PI4KA: variants seen among roughly 807,000 people sequenced by gnomAD.
PI4KA encodes phosphatidylinositol 4-kinase alpha, also known as PI4-kinase alpha.
A neutral mutation model predicts 271.4 loss-of-function variants in PI4KA; 122 were observed. The observed-to-expected ratio is 0.45, with a 90% CI of 0.39 to 0.52. PI4KA has a LOEUF of 0.52. Among genes scored for constraint, PI4KA ranks in the 20% least tolerant of loss-of-function variants. The probability of loss-of-function intolerance (pLI) is 0.00; values close to 1 mark genes in which losing one functional copy is unlikely to be tolerated. For synonymous variants in PI4KA, 1,041 were observed against 1,078.8 expected, an observed-to-expected ratio of 0.96 and a Z score of 0.69; for missense variants, 1,969 against 2,769.1, an observed-to-expected ratio of 0.71 and a Z score of 6.48.
At chr22:20,838,040 G>C (rs955200905) in intron 2 of PI4KA, among the ~76,000 whole-genome samples, 1 of 151,254 alleles carries the variant, frequency 6.6e-6, no homozygotes, top group African/African-American at 2.4e-5. Flanking sequence ...AGAATCACTT[G>C]AACCCTGGAG....
intron 34 of PI4KA, 60 bp downstream of exon 34, chr22:20,733,983 C>T (rs1317525554): frequency 2.0e-5 from 30 of 1,523,108 alleles, no homozygotes; most frequent in Middle Eastern, 2.4e-4. Context: ...GATACACAGA[C>T]GCCCCATGAC....
chr22:20,747,788 G>A (rs1930272589), intron 28 of PI4KA, 86 bp from the exon 29 acceptor site: 21 of 1,327,636 alleles, frequency 1.6e-5, no homozygotes, highest in Non-Finnish European at 2.0e-5. Flanking sequence ...AGGCTGGAGT[G>A]TGGTGGCACG....
rs376530803 is a variant in PI4KA, at chr22:20,787,214, G to A, written c.2328+5979C>T. 34 of 732,942 alleles carry A rather than the reference G, an allele frequency of 4.6e-5. No individual in the cohort carries two copies. The African/African-American group carries it at 4.9e-4, about 11-fold the overall frequency. 45.4% of individuals were successfully genotyped at this position (732,942 alleles called of 1,614,324 possible). A position where few individuals can be genotyped will look rare whatever the true frequency, so the allele number is the denominator to read the frequency against. On this transcript the variant is annotated intron_variant, in intron 19 of 54. Transcript: ENST00000255882. ...GCCCATATGAGAGGAGCTTAGAAAC[G>A]ACCAAGAAGAGAGGCTTGTTGGAAT... is the stretch of plus-strand genomic sequence containing the variant.
Position 20,727,836 on chromosome 22 carries a change from C to T in PI4KA, c.4711G>A (p.Glu1571Lys), listed in dbSNP as rs1250527166. The part of the protein sequence containing the change: ...RFKNTEAIGN[E>K]VTRLVRLDPG... ...TCCAACCGAACGAGACGGGTCACTT[C>T]GTTCCCAATGGCTTCTGTGTTCTTA... The change falls in exon 40 of 55, where the codon GAA becomes AAA. Residue 1571 changes from glutamate (E) to lysine (K), a missense_variant. Glu to Lys is a moderately conservative substitution (Grantham distance 56). Around this residue, in one of 13 missense-constraint regions of PI4KA, gnomAD observed 388 missense variants for 521.5 expected, o/e 0.74. Transcript: ENST00000255882. The T allele has an allele frequency of 1.9e-6, 3 of 1,613,970 alleles. No individual in the cohort carries two copies. The highest frequency in any genetic ancestry group is 1.7e-6 in the Non-Finnish European group (2 of 1,179,984).
chr22:20,789,564 AG>A (rs1356149993), intron 19 of PI4KA, among the ~76,000 whole-genome samples: 1 of 152,236 alleles, frequency 6.6e-6, no homozygotes, highest in Non-Finnish European at 1.5e-5. Context: ...TCCTGACCTC[AG>A]GTGATCTGCC....
chr22:20,779,814 G>C, intron 19 of PI4KA: 2 of 1,614,166 alleles, frequency 1.2e-6, no homozygotes, highest in African/African-American at 1.3e-5. Flanking sequence ...GATTTCCTTA[G>C]GTCTGAAGGG....
rs1306686152 is a variant in PI4KA, at chr22:20,770,642, CAG to C, written c.2329-4951_2329-4950del. Among the ~76,000 whole-genome samples the C allele has an allele frequency of 9.4e-5, 14 of 148,244 alleles. No homozygotes were observed. The Admixed American group carries it at 9.5e-4, about 10-fold the overall frequency. ...CACACACACACACACAAGCTGGACA[CAG>C]AGACACACACAGTGACAGGGCAAAG... is the stretch of plus-strand genomic sequence containing the variant. On this transcript the variant is annotated intron_variant, in intron 19 of 54. Coordinates refer to ENST00000255882, the MANE Select transcript of PI4KA (RefSeq NM_058004.4).
chr22:20,744,614 G>A lies in PI4KA; in HGVS notation c.3456+14C>T. 6.2e-7 allele frequency: 1 copy of A among 1,605,568 alleles called. No individual in the cohort carries two copies. The stretch of plus-strand genomic sequence containing the variant: ...CACGTTAAAGGCCCTAGGGCGCAAG[G>A]ACAAGAGAAGCACCTCGCCCGCGTA... On this transcript the variant is annotated intron_variant, in intron 30 of 54. Transcript: ENST00000255882.
At chr22:20,804,554 C>T (rs1935523637) in intron 11 of PI4KA, among the ~76,000 whole-genome samples, 154 bp from the exon 12 acceptor site, 1 of 152,006 alleles carries the variant, frequency 6.6e-6, no homozygotes, top group Admixed American at 6.6e-5. Context: ...GTGTGTGACA[C>T]TCTCTCTCTC....
intron 5 of PI4KA, 59 bp downstream of exon 5, chr22:20,820,480 A>G: frequency 9.1e-7 from 1 of 1,104,038 alleles, no homozygotes; most frequent in South Asian, 1.3e-5. Flanking sequence ...GACTGGAGAA[A>G]AGCAAGGGAA....
In PI4KA at chr22:20,780,775, CA is replaced by C. The variant is rs538327544; in HGVS notation, c.2328+12417del. The stretch of plus-strand genomic sequence containing the variant: ...TGGACGACAGAGTGAGACTCCATCT[CA>C]AAAAAAAAAAAAAAAGAAGTAAAAC... On this transcript the variant is annotated intron_variant, in intron 19 of 54. Transcript: ENST00000255882. Among the ~76,000 whole-genome samples, 203 of 67,660 alleles carry C rather than the reference CA, an allele frequency of 3.0e-3. 3 individuals carry two copies. Among genetic ancestry groups the C allele is most frequent in the Admixed American group, 2.6e-3 (14 of 5,292 alleles). The allele number at this position is 67,660 out of a possible 152,430, so 44.4% of individuals were successfully genotyped here.
intron 10 of PI4KA, among the ~76,000 whole-genome samples, chr22:20,805,959 C>T (rs1056197754): frequency 5.9e-5 from 9 of 152,084 alleles, no homozygotes; most frequent in African/African-American, 2.4e-5. Flanking sequence ...TTCAAACTCT[C>T]ATCCCCAGGG....
chr22:20,810,390 T>C (rs1935928088), intron 9 of PI4KA, among the ~76,000 whole-genome samples: 1 of 151,792 alleles, frequency 6.6e-6, no homozygotes, highest in Non-Finnish European at 1.5e-5. Context: ...GTGCCTGTAG[T>C]CCCAGCTACT....
At chr22:20,833,380 T>TG (rs1320120296) in intron 3 of PI4KA, among the ~76,000 whole-genome samples, 3 of 152,152 alleles carry the variant, frequency 2.0e-5, no homozygotes, top group African/African-American at 7.2e-5. Context: ...AGCAGTGCAA[T>TG]GGGGTGCATG....
chr22:20,809,888 G>T (rs1935896309), intron 9 of PI4KA, among the ~76,000 whole-genome samples: 1 of 152,150 alleles, frequency 6.6e-6, no homozygotes, highest in Non-Finnish European at 1.5e-5. Context: ...GTTGGCAGGG[G>T]TACGAAGCAG....
chr22:20,847,556 AC>A (rs972907608), intron 1 of PI4KA, among the ~76,000 whole-genome samples: 1 of 152,068 alleles, frequency 6.6e-6, no homozygotes, highest in African/African-American at 2.4e-5. Flanking sequence ...GAAACCCAAG[AC>A]CAACCTGGAG....
At position 20,813,347 on chromosome 22, in the gene PI4KA, T is replaced by C; in HGVS notation, c.1005+11A>G. On this transcript the variant is annotated intron_variant, in intron 8 of 54. Coordinates refer to ENST00000255882, the MANE Select transcript of PI4KA (RefSeq NM_058004.4). ...ATCCATGGTCTGTTCATCCATCAGT[T>C]CTTTGCTTACCAGGTTTAAGAGTTC... The C allele has an allele frequency of 6.2e-7, 1 of 1,609,718 alleles. No individual in the cohort carries two copies. The highest frequency in any genetic ancestry group is 8.5e-7 in the Non-Finnish European group (1 of 1,176,096).
chr22:20,801,041 C>T (rs1285195440), intron 14 of PI4KA, among the ~76,000 whole-genome samples: 2 of 149,042 alleles, frequency 1.3e-5, no homozygotes, highest in Non-Finnish European at 3.0e-5. Context: ...CAGGCACGTG[C>T]CACCACGCCC....
At chr22:20,762,854 T>C (rs1251816749) in intron 22 of PI4KA, among the ~76,000 whole-genome samples, 1 of 152,222 alleles carries the variant, frequency 6.6e-6, no homozygotes, top group Non-Finnish European at 1.5e-5. Flanking sequence ...TTTGTTTTTA[T>C]AAGACAGGGT....
Sources: allele counts gnomAD v4.1 joint callset (sites outside exome capture counted in the v4.1 genomes callset), GRCh38; gene constraint gnomAD v4.1.1; regional missense constraint gnomAD v4.1.1; transcripts MANE v1.5; gene names NCBI Gene and HGNC (gene_info 2026-07-23, HGNC 2026-07-21).